Variants in PELI1 observed in about 807,000 individuals in gnomAD.
PELI1 encodes the protein E3 ubiquitin-protein ligase pellino homolog 1.
In PELI1, 15 loss-of-function variants were observed where a neutral mutation model predicts 41.3. The observed-to-expected ratio is 0.36, with a 90% CI of 0.24 to 0.56. The LOEUF (loss-of-function observed/expected upper bound fraction) is 0.56, where lower values mean the gene tolerates loss of function less well. PELI1 is among the 20% of genes least tolerant of loss of function. The pLI, the probability that PELI1 is intolerant of heterozygous loss-of-function variation, is 0.82. For synonymous variants in PELI1, 178 were observed against 180.1 expected, an observed-to-expected ratio of 0.99 and a Z score of 0.09; for missense variants, 403 against 525.5, an observed-to-expected ratio of 0.77 and a Z score of 2.28.
chr2:64,139,342 G>A (rs897363847), intron 1 of PELI1, among the ~76,000 whole-genome samples: 1 of 152,074 alleles, frequency 6.6e-6, no homozygotes, highest in African/African-American at 2.4e-5. Flanking sequence ...GTCTCGCTCT[G>A]TTGCCCAGGC....
At chr2:64,130,196 G>C (rs1001629895) in intron 1 of PELI1, among the ~76,000 whole-genome samples, 1 of 152,072 alleles carries the variant, frequency 6.6e-6, no homozygotes, top group Admixed American at 6.6e-5. Context: ...AATTTCTTTT[G>C]AGATAAGGTC....
At chr2:64,139,673 G>C (rs1296949467) in intron 1 of PELI1, among the ~76,000 whole-genome samples, 1 of 152,234 alleles carries the variant, frequency 6.6e-6, no homozygotes, top group Non-Finnish European at 1.5e-5. Flanking sequence ...CATGAAAGCA[G>C]AGATTTTAGT....
At chr2:64,124,349 C>T (rs577068366) in intron 1 of PELI1, among the ~76,000 whole-genome samples, 1 of 151,994 alleles carries the variant, frequency 6.6e-6, no homozygotes, top group Non-Finnish European at 1.5e-5. Context: ...AAATAAAGCT[C>T]TAGCACATTA....
intron 2 of PELI1, 87 bp from the exon 3 acceptor site, chr2:64,104,917 T>C: frequency 8.9e-7 from 1 of 1,122,154 alleles, no homozygotes; most frequent in East Asian, 2.5e-5. Context: ...GCAGAATCAA[T>C]TCCCAATTAA....
intron 1 of PELI1, among the ~76,000 whole-genome samples, chr2:64,116,467 T>C (rs1379764063): frequency 6.6e-6 from 1 of 152,186 alleles, no homozygotes; most frequent in Non-Finnish European, 1.5e-5. Flanking sequence ...GATAAAAGGA[T>C]ATTCATGGGA....
intron 1 of PELI1, among the ~76,000 whole-genome samples, chr2:64,111,211 A>G (rs1680797659): frequency 6.6e-6 from 1 of 152,160 alleles, no homozygotes; most frequent in Admixed American, 6.5e-5. Context: ...AAAAAGGTCT[A>G]CTTGTCTTTT....
chr2:64,139,579 G>C (rs1472345321), intron 1 of PELI1, among the ~76,000 whole-genome samples: 1 of 152,196 alleles, frequency 6.6e-6, no homozygotes, highest in African/African-American at 2.4e-5. Context: ...ACAGGTGTCA[G>C]CAACTGCGCC....
At chr2:64,129,663 AAGACCATTCTTTT>A (rs896745718) in intron 1 of PELI1, among the ~76,000 whole-genome samples, 73 of 152,304 alleles carry the variant, frequency 4.8e-4, no homozygotes, top group African/African-American at 1.7e-3. Flanking sequence ...TAAGTTTTCT[AAGACCATTCTTTT>A]AAAGTCACAC....
rs1680690588 is a variant in PELI1 at position 64,108,362 on chromosome 2, C to T, written c.-52G>A. The T allele has an allele frequency of 2.9e-6, 3 of 1,044,264 alleles. No individual in the cohort carries two copies. Among genetic ancestry groups the T allele is most frequent in the East Asian group, 4.7e-5 (2 of 42,278 alleles). 64.7% of individuals were successfully genotyped at this position (1,044,264 alleles called of 1,614,324 possible). ...TGTTCACTGGTCAGGAGCCTTGGGACACCTTTTGCATTATTTCCTAGAGGG... is the reference window on the plus strand; with the variant it reads ...TGTTCACTGGTCAGGAGCCTTGGGATACCTTTTGCATTATTTCCTAGAGGG... On this transcript the variant is annotated 5_prime_UTR_variant, in exon 2 of 7. Transcript: ENST00000358912.
At chr2:64,102,474 G>A (rs1232950584) in intron 3 of PELI1, among the ~76,000 whole-genome samples, 1 of 152,184 alleles carries the variant, frequency 6.6e-6, no homozygotes, top group Non-Finnish European at 1.5e-5. Context: ...CTGTGCTCAA[G>A]TGATCTTCCT....
intron 1 of PELI1, among the ~76,000 whole-genome samples, chr2:64,143,678 A>G (rs1681994581): frequency 1.3e-5 from 2 of 152,160 alleles, no homozygotes; most frequent in African/African-American, 4.8e-5. Flanking sequence ...GTAAGGGAGG[A>G]AAAGAAGTTA....
In PELI1 at chr2:64,139,894, A is replaced by C. The variant is rs568199790; in HGVS notation, c.-70+4187T>G. ...ACTAAACAATCAGATTTGGTACCCC[A>C]AACGAAATTTATTTGCTGTCCCTGC... On this transcript the variant is annotated intron_variant, in intron 1 of 6. Coordinates refer to ENST00000358912, the MANE Select transcript of PELI1 (RefSeq NM_020651.4). Among the ~76,000 whole-genome samples, 3 of 152,354 alleles carry C rather than the reference A, an allele frequency of 2.0e-5. No homozygotes were observed. In the East Asian group the frequency reaches 5.8e-4, roughly 29 times the overall value.
chr2:64,113,755 A>G (rs1177886607), intron 1 of PELI1, among the ~76,000 whole-genome samples: 1 of 152,194 alleles, frequency 6.6e-6, no homozygotes, highest in East Asian at 1.9e-4. Context: ...TAAACATTCT[A>G]ATCATTTCCT....
At position 64,115,595 on chromosome 2, in the gene PELI1, A is replaced by G. The variant is rs546995908; in HGVS notation, c.-69-7216T>C. Among the ~76,000 whole-genome samples the G allele has an allele frequency of 2.0e-5, 3 of 152,346 alleles. No individual in the cohort carries two copies. The South Asian group carries it at 6.2e-4, about 32-fold the overall frequency. The stretch of plus-strand genomic sequence containing the variant: ...TCTGGCAGAGCTAGGACTGAGATCC[A>G]CATGTTAACTCAACATACATTACCC... On this transcript the variant is annotated intron_variant, in intron 1 of 6. Coordinates refer to ENST00000358912, the MANE Select transcript of PELI1 (RefSeq NM_020651.4).
At chr2:64,120,117 T>C (rs1681158276) in intron 1 of PELI1, among the ~76,000 whole-genome samples, 1 of 152,210 alleles carries the variant, frequency 6.6e-6, no homozygotes, top group Admixed American at 6.5e-5. Flanking sequence ...TTGATGCTCA[T>C]GAATACGGAG....
At chr2:64,140,288 G>A (rs973835897) in intron 1 of PELI1, among the ~76,000 whole-genome samples, 4 of 152,144 alleles carry the variant, frequency 2.6e-5, no homozygotes, top group African/African-American at 7.2e-5. Flanking sequence ...CAGATGTCAG[G>A]ATTTTCCCAT....
At chr2:64,129,524 AT>A (rs1213072392) in intron 1 of PELI1, among the ~76,000 whole-genome samples, 3 of 152,180 alleles carry the variant, frequency 2.0e-5, no homozygotes, top group African/African-American at 7.2e-5. Flanking sequence ...GTTTTGTCTA[AT>A]TCCTCTTCTT....
chr2:64,121,352 C>T (rs1335412796), intron 1 of PELI1, among the ~76,000 whole-genome samples: 2 of 152,102 alleles, frequency 1.3e-5, no homozygotes, highest in Non-Finnish European at 2.9e-5. Flanking sequence ...ACCTGAGGTC[C>T]TGCCATTCTT....
chr2:64,132,815 T>C (rs563158892), intron 1 of PELI1, among the ~76,000 whole-genome samples: 12 of 152,294 alleles, frequency 7.9e-5, no homozygotes, highest in African/African-American at 2.6e-4. Flanking sequence ...GTGTGGTCCA[T>C]GGCCTATAGC....
Sources: gnomAD v4.1 joint callset for allele counts (sites outside exome capture counted in the v4.1 genomes callset) on GRCh38, gnomAD v4.1.1 for gene constraint, MANE v1.5 for transcripts, NCBI Gene and HGNC (gene_info 2026-07-23, HGNC 2026-07-21) for gene names.